The following NECAB1 variants were observed in gnomAD, a reference collection of about 807,000 sequenced individuals.
NECAB1 encodes N-terminal EF-hand calcium-binding protein 1.
Under a neutral mutation model 57.5 loss-of-function variants are expected in NECAB1, and 29 were observed. The ratio of observed to expected loss-of-function variants is 0.50; its 90% CI spans 0.38 to 0.69. The LOEUF (loss-of-function observed/expected upper bound fraction) is 0.69. Among genes scored for constraint, NECAB1 ranks in the 30% least tolerant of loss-of-function variants. The pLI is 0.00. For synonymous variants in NECAB1, 142 were observed against 147.7 expected, an observed-to-expected ratio of 0.96 and a Z score of 0.28; for missense variants, 372 against 413.8, an observed-to-expected ratio of 0.90 and a Z score of 0.88.
chr8:90,877,465 G>A (rs562312280), intron 4 of NECAB1, among the ~76,000 whole-genome samples: 1 of 152,224 alleles, frequency 6.6e-6, no homozygotes, highest in South Asian at 2.1e-4. Context: ...CCCAAAGATT[G>A]TGATTTACTA....
intron 1 of NECAB1, among the ~76,000 whole-genome samples, chr8:90,793,968 T>A (rs765708922): frequency 6.6e-6 from 1 of 152,228 alleles, no homozygotes; most frequent in Non-Finnish European, 1.5e-5. Flanking sequence ...ATCAGGTCCC[T>A]GTACTAAAGG....
chr8:90,930,838 A>G (rs1810386355), intron 8 of NECAB1, among the ~76,000 whole-genome samples: 1 of 152,202 alleles, frequency 6.6e-6, no homozygotes, highest in South Asian at 2.1e-4. Flanking sequence ...CAAATCCAGG[A>G]CCTCTATTTG....
At chr8:90,793,689 C>T (rs777024148) in intron 1 of NECAB1, among the ~76,000 whole-genome samples, 2 of 152,130 alleles carry the variant, frequency 1.3e-5, no homozygotes, top group South Asian at 4.1e-4. Flanking sequence ...TCAAAGGGGA[C>T]AAGTGGGGCC....
intron 6 of NECAB1, among the ~76,000 whole-genome samples, chr8:90,922,825 T>C (rs1266396381): frequency 6.6e-6 from 1 of 152,090 alleles, no homozygotes; most frequent in African/African-American, 2.4e-5. Context: ...CATAGGAAAA[T>C]TCATAGGGAG....
At chr8:90,910,025 C>T (rs1035964302) in intron 5 of NECAB1, among the ~76,000 whole-genome samples, 2 of 151,746 alleles carry the variant, frequency 1.3e-5, no homozygotes, top group Admixed American at 6.6e-5. Flanking sequence ...TAAAAGCTTT[C>T]TTTCCTTTCA....
Position 90,818,833 on chromosome 8 carries a change from C to A in NECAB1, c.125-5884C>A, listed in dbSNP as rs146131309. ...TATTATTTGAAATATTTCTTTTGCC[C>A]TGTACTCTCTTTCTTCTTCTGGTAT... On this transcript the variant is annotated intron_variant, in intron 2 of 12. Transcript: ENST00000417640. Among the ~76,000 whole-genome samples, 188 of 152,004 alleles carry A rather than the reference C, an allele frequency of 1.2e-3. 1 individual carries two copies. The highest frequency in any genetic ancestry group is 4.0e-3 in the African/African-American group (167 of 41,510).
chr8:90,886,113 A>G (rs1808979936), intron 5 of NECAB1, among the ~76,000 whole-genome samples: 2 of 152,198 alleles, frequency 1.3e-5, no homozygotes, highest in African/African-American at 4.8e-5. Context: ...TAATTAGAAA[A>G]TAAGAGAAGT....
intron 5 of NECAB1, among the ~76,000 whole-genome samples, chr8:90,900,876 T>C (rs1809484782): frequency 6.6e-6 from 1 of 152,222 alleles, no homozygotes. Context: ...GTTTGTATAA[T>C]AACTGAATTA....
intron 9 of NECAB1, among the ~76,000 whole-genome samples, chr8:90,937,342 TG>T (rs1267189852): frequency 6.6e-6 from 1 of 152,038 alleles, no homozygotes; most frequent in East Asian, 1.9e-4. Context: ...TACAATAAAA[TG>T]TGATGAGGAT....
Position 90,955,492 on chromosome 8 carries a change from T to C in NECAB1, c.1036T>C (p.Trp346Arg). 2 of 1,552,438 alleles carry C rather than the reference T, an allele frequency of 1.3e-6. No individual in the cohort carries two copies. The highest frequency in any genetic ancestry group is 1.7e-6 in the Non-Finnish European group (2 of 1,146,318). ...LTSTMLVPAS[W>R]WILNN ...AAACATTTTTCTCTTTTCAGCTTCGTGGTGGATCCTGAACAACTAGATGTT... is the reference window on the plus strand; with the variant it reads ...AAACATTTTTCTCTTTTCAGCTTCGCGGTGGATCCTGAACAACTAGATGTT... Residue 346 changes from tryptophan (W) to arginine (R), a missense_variant, in exon 13 of 13, where the codon TGG becomes CGG. Coordinates refer to ENST00000417640, the MANE Select transcript of NECAB1 (RefSeq NM_022351.5).
chr8:90,909,313 T>G (rs574945152), intron 5 of NECAB1, among the ~76,000 whole-genome samples: 7 of 152,132 alleles, frequency 4.6e-5, no homozygotes, highest in Admixed American at 3.3e-4. Flanking sequence ...GTTATATCTA[T>G]GGCTGCTTTC....
At chr8:90,927,945 G>A (rs921356677) in intron 7 of NECAB1, among the ~76,000 whole-genome samples, 1 of 151,826 alleles carries the variant, frequency 6.6e-6, no homozygotes, top group African/African-American at 2.4e-5. Context: ...ACTACATCAC[G>A]GGGTTTTGTA....
At chr8:90,826,578 A>T (rs1812229567) in intron 3 of NECAB1, among the ~76,000 whole-genome samples, 1 of 151,940 alleles carries the variant, frequency 6.6e-6, no homozygotes, top group East Asian at 1.9e-4. Flanking sequence ...TTTGTTATGT[A>T]TGCTGATTAT....
At chr8:90,864,818 C>A (rs969135124) in intron 3 of NECAB1, among the ~76,000 whole-genome samples, 2 of 151,986 alleles carry the variant, frequency 1.3e-5, no homozygotes, top group African/African-American at 4.8e-5. Flanking sequence ...CTTACCTTAG[C>A]CACTTCAGAG....
intron 5 of NECAB1, among the ~76,000 whole-genome samples, chr8:90,889,414 T>C (rs1809095427): frequency 6.6e-6 from 1 of 152,196 alleles, no homozygotes. Flanking sequence ...TATTATAGTT[T>C]CTAGTCAATT....
chr8:90,845,459 G>A (rs1812537812), intron 3 of NECAB1, among the ~76,000 whole-genome samples: 2 of 152,122 alleles, frequency 1.3e-5, no homozygotes, highest in South Asian at 4.1e-4. Context: ...GTGCTAATTA[G>A]AACTACCCAG....
rs1811049621 is a variant in NECAB1 at position 90,957,335 on chromosome 8, T to G, written c.*1823T>G. The G allele has an allele frequency of 6.6e-6, 1 of 151,920 alleles. No individual in the cohort carries two copies. Among genetic ancestry groups the G allele is most frequent in the South Asian group, 2.1e-4 (1 of 4,832 alleles). 9.4% of individuals were successfully genotyped at this position (151,920 alleles called of 1,614,324 possible). A position where few individuals can be genotyped will look rare whatever the true frequency, so the allele number is the denominator to read the frequency against. On this transcript the variant is annotated 3_prime_UTR_variant, in exon 13 of 13. Coordinates refer to ENST00000417640, the MANE Select transcript of NECAB1 (RefSeq NM_022351.5). The stretch of plus-strand genomic sequence containing the variant: ...TATCCAACTCAAAAAGCATATCAAA[T>G]ATTTTGGGTACTAGGCAGTTTCCAA...
chr8:90,843,508 T>C (rs989395054), intron 3 of NECAB1, among the ~76,000 whole-genome samples: 2 of 152,232 alleles, frequency 1.3e-5, no homozygotes, highest in African/African-American at 2.4e-5. Flanking sequence ...TTGCTTAGCG[T>C]GTAGCAGAGA....
At chr8:90,901,880 TC>T (rs1809511553) in intron 5 of NECAB1, among the ~76,000 whole-genome samples, 1 of 151,958 alleles carries the variant, frequency 6.6e-6, no homozygotes, top group African/African-American at 2.4e-5. Flanking sequence ...GGCTAAAACC[TC>T]GTTTGCACTC....
Sources: gnomAD v4.1 joint callset for allele counts (sites outside exome capture counted in the v4.1 genomes callset) on GRCh38, gnomAD v4.1.1 for gene constraint, MANE v1.5 for transcripts, NCBI Gene and HGNC (gene_info 2026-07-23, HGNC 2026-07-21) for gene names.